The following ADARB2 variants were observed in gnomAD, a reference collection of about 807,000 sequenced individuals.
The protein encoded by ADARB2 is adenosine deaminase RNA specific B2 (inactive).
In ADARB2, 25 loss-of-function variants were observed where a neutral mutation model predicts 62.2. That is an observed-to-expected ratio of 0.40 (90% CI 0.29 to 0.56). The LOEUF (loss-of-function observed/expected upper bound fraction) is 0.56, where lower values mean the gene tolerates loss of function less well. Among genes scored for constraint, ADARB2 ranks in the 20% least tolerant of loss-of-function variants. The pLI is 0.43. For synonymous variants in ADARB2, 572 were observed against 500.8 expected (o/e 1.14, Z -1.90); for missense variants, 1,071 against 1,077.4 (o/e 0.99, Z 0.08).
At chr10:1,579,637 C>G (rs1368084336) in intron 1 of ADARB2, among the ~76,000 whole-genome samples, 1 of 152,170 alleles carries the variant, frequency 6.6e-6, no homozygotes. Context: ...GAAATACTTC[C>G]TAAAAAATAA....
intron 6 of ADARB2, among the ~76,000 whole-genome samples, chr10:1,229,672 T>G (rs1830781290): frequency 4.5e-5 from 1 of 22,288 alleles, no homozygotes; most frequent in South Asian, 8.9e-4. Flanking sequence ...GCACATATGC[T>G]TATGTATGTG....
chr10:1,321,231 A>C (rs1321955403), intron 3 of ADARB2, among the ~76,000 whole-genome samples: 2 of 152,128 alleles, frequency 1.3e-5, no homozygotes, highest in African/African-American at 4.8e-5. Flanking sequence ...ATCTTGCCTC[A>C]TGGAAATCAC....
chr10:1,458,770 A>G (rs912019287), intron 1 of ADARB2, among the ~76,000 whole-genome samples: 1 of 152,262 alleles, frequency 6.6e-6, no homozygotes, highest in African/African-American at 2.4e-5. Flanking sequence ...AGACCCATCC[A>G]GCAGCGAACG....
chr10:1,464,899 C>T (rs778278824), intron 1 of ADARB2, among the ~76,000 whole-genome samples: 19 of 152,354 alleles, frequency 1.2e-4, no homozygotes, highest in Admixed American at 2.0e-4. Flanking sequence ...GCCTCAGTCA[C>T]CTCCCGCAGG....
chr10:1,292,476 A>G (rs968467532), intron 3 of ADARB2: 3 of 152,168 alleles, frequency 2.0e-5, no homozygotes, highest in African/African-American at 7.2e-5. Context: ...CACAGCATGC[A>G]TAGACACTCA....
intron 4 of ADARB2, among the ~76,000 whole-genome samples, chr10:1,258,448 G>C (rs1831100894): frequency 6.6e-6 from 1 of 152,094 alleles, no homozygotes; most frequent in African/African-American, 2.4e-5. Context: ...GGCTCAAAGG[G>C]ATGGAGGAAG....
At chr10:1,489,913 A>G (rs1318612270) in intron 1 of ADARB2, among the ~76,000 whole-genome samples, 2 of 152,216 alleles carry the variant, frequency 1.3e-5, no homozygotes, top group Non-Finnish European at 2.9e-5. Context: ...ATTTAAATTA[A>G]AATGTCTCCA....
intron 3 of ADARB2, among the ~76,000 whole-genome samples, chr10:1,330,005 C>A (rs11250423): frequency 0.013 from 1,909 of 145,696 alleles, 48 homozygotes; most frequent in African/African-American, 0.045. Flanking sequence ...GCTGGATGAC[C>A]TGTTCAATGA....
intron 1 of ADARB2, among the ~76,000 whole-genome samples, chr10:1,636,810 G>T (rs897562338): frequency 6.8e-6 from 1 of 146,054 alleles, no homozygotes; most frequent in Non-Finnish European, 1.5e-5. Context: ...ATATAATATT[G>T]TTATATATGT....
At chr10:1,668,810 T>A (rs746015996) in intron 1 of ADARB2, among the ~76,000 whole-genome samples, 2 of 152,240 alleles carry the variant, frequency 1.3e-5, no homozygotes, top group South Asian at 4.1e-4. Flanking sequence ...AGAGCTTTCT[T>A]TCTAAATAAA....
intron 1 of ADARB2, among the ~76,000 whole-genome samples, chr10:1,616,849 G>A (rs1173452336): frequency 6.0e-4 from 75 of 124,214 alleles, no homozygotes; most frequent in Non-Finnish European, 8.6e-4. Flanking sequence ...ACTCCACACC[G>A]CCCTGCTGTG....
chr10:1,229,876 A>T (rs796473963), intron 6 of ADARB2, among the ~76,000 whole-genome samples: 4 of 151,312 alleles, frequency 2.6e-5, no homozygotes, highest in African/African-American at 9.8e-5. Context: ...GTGGGTATAT[A>T]TGTGTGAGAA....
rs562520669 is a variant in ADARB2 at position 1,247,745 on chromosome 10, A to G, written c.1193-5446T>C. On this transcript the variant is annotated intron_variant, in intron 4 of 9. Transcript: ENST00000381312. ...TCTTAACACCCCCATCACAGGGGAC[A>G]GCGCGAGGGTGCTGCCACCATGGCG... Among the ~76,000 whole-genome samples the G allele has an allele frequency of 4.6e-5, 7 of 152,330 alleles. No individual in the cohort carries two copies. In the East Asian group the frequency reaches 1.4e-3, roughly 29 times the overall value.
chr10:1,714,250 T>G (rs372152759), intron 1 of ADARB2, among the ~76,000 whole-genome samples: 37 of 152,364 alleles, frequency 2.4e-4, no homozygotes, highest in South Asian at 1.9e-3. Context: ...TTCGCAGCTG[T>G]CATTGTGAAG....
In ADARB2 at chr10:1,625,729, C is replaced by T. The variant is rs114286947; in HGVS notation, c.100+111322G>A. Among the ~76,000 whole-genome samples the T allele has an allele frequency of 6.1e-3, 922 of 152,236 alleles. 12 individuals are homozygous for T. The highest frequency in any genetic ancestry group is 0.021 in the African/African-American group (872 of 41,524). The stretch of plus-strand genomic sequence containing the variant: ...AATGACAGCCTCCACAGATCCAGCC[C>T]GTGGGACCCAGCCCCAGGTTGCTAA... On this transcript the variant is annotated intron_variant, in intron 1 of 9. Coordinates refer to ENST00000381312, the MANE Select transcript of ADARB2 (RefSeq NM_018702.4).
chr10:1,552,350 G>T (rs1832637475), intron 1 of ADARB2, among the ~76,000 whole-genome samples: 2 of 152,178 alleles, frequency 1.3e-5, no homozygotes, highest in Non-Finnish European at 2.9e-5. Context: ...GGCATTAGGG[G>T]CATGAAATGC....
chr10:1,280,244 T>C (rs1045966688), intron 3 of ADARB2, among the ~76,000 whole-genome samples: 4 of 152,166 alleles, frequency 2.6e-5, no homozygotes, highest in Non-Finnish European at 5.9e-5. Context: ...CTTCAACATA[T>C]GAATTTCGGG....
At chr10:1,183,723 C>T (rs882312) in intron 9 of ADARB2, among the ~76,000 whole-genome samples, 15,970 of 152,142 alleles carry the variant, frequency 0.1, 1,097 homozygotes, top group East Asian at 0.25. Flanking sequence ...GTCATGTTGT[C>T]GGCTGAGCAG....
intron 1 of ADARB2, among the ~76,000 whole-genome samples, chr10:1,608,528 G>A (rs1241272277): frequency 6.7e-6 from 1 of 150,078 alleles, no homozygotes; most frequent in Non-Finnish European, 1.5e-5. Flanking sequence ...GAAGGAGAAT[G>A]GAGGAAGGAA....
Sources: gnomAD v4.1 joint callset for allele counts (sites outside exome capture counted in the v4.1 genomes callset) on GRCh38, gnomAD v4.1.1 for gene constraint, MANE v1.5 for transcripts, NCBI Gene and HGNC (gene_info 2026-07-23, HGNC 2026-07-21) for gene names.